Variants in CELF2 observed in about 807,000 individuals in gnomAD.
The protein encoded by CELF2 is CUGBP Elav-like family member 2.
CELF2 carries 8 observed loss-of-function variants against 62.6 expected under a neutral mutation model. The observed-to-expected ratio is 0.13, with a 90% CI of 0.07 to 0.23. The LOEUF (loss-of-function observed/expected upper bound fraction) is 0.23. CELF2 is among the 10% of genes least tolerant of loss of function. The probability of loss-of-function intolerance (pLI) is 1.00; values close to 1 mark genes in which losing one functional copy is unlikely to be tolerated. For missense variants in CELF2, 333 were observed against 671.0 expected, an observed-to-expected ratio of 0.50 and a Z score of 5.56; for synonymous variants, 258 against 250.0, an observed-to-expected ratio of 1.03 and a Z score of -0.30.
At chr10:10,547,723 G>GTA in the CELF2 span, among the ~76,000 whole-genome samples, 1 of 151,752 alleles carries the variant, frequency 6.6e-6, no homozygotes, top group Admixed American at 6.6e-5. Flanking sequence ...GTGTGTGTGT[G>GTA]TGTGTGTATC....
chr10:10,467,117 C>A, the CELF2 span, among the ~76,000 whole-genome samples: 1 of 151,996 alleles, frequency 6.6e-6, no homozygotes, highest in Non-Finnish European at 1.5e-5. Flanking sequence ...AATATACTAG[C>A]ATAAAAATTT....
the CELF2 span, among the ~76,000 whole-genome samples, chr10:10,510,015 G>A: frequency 1.3e-5 from 2 of 152,342 alleles, no homozygotes; most frequent in South Asian, 4.1e-4. Context: ...TCCATGGCTG[G>A]GAGGGATTCT....
At chr10:10,690,490 A>C in the CELF2 span, among the ~76,000 whole-genome samples, 1 of 152,224 alleles carries the variant, frequency 6.6e-6, no homozygotes, top group Non-Finnish European at 1.5e-5. Context: ...GTACAGAATG[A>C]AGGCACAAAT....
rs1041728669 is a variant in CELF2, at chr10:11,246,747, G to A, written c.355-2406G>A. ...TCTGCAGTTCTGTCCTCGGCTCTCA[G>A]CTCTTTGCACCCTTCTTTCCCTCGC... On this transcript the variant is annotated intron_variant, in intron 3 of 12. Transcript: ENST00000633077. This position sits in a 1 kb window ranked among gnomAD's most constrained non-coding sequence, Gnocchi z 4.6. Among the ~76,000 whole-genome samples the A allele has an allele frequency of 2.6e-5, 4 of 152,250 alleles. No homozygotes were observed. Among genetic ancestry groups the A allele is most frequent in the African/African-American group, 7.2e-5 (3 of 41,532 alleles).
intron 1 of CELF2, among the ~76,000 whole-genome samples, chr10:11,128,904 C>T (rs1180705788): frequency 6.6e-6 from 1 of 152,190 alleles, no homozygotes; most frequent in African/African-American, 2.4e-5. Flanking sequence ...GCCAGAACTT[C>T]CAACACTATG....
chr10:10,984,326 A>G (rs1415061750), intron 2 of CELF2, among the ~76,000 whole-genome samples: 1 of 152,208 alleles, frequency 6.6e-6, no homozygotes, highest in Non-Finnish European at 1.5e-5. Flanking sequence ...TAATGCGAGC[A>G]ATGCAGGCTG....
At chr10:10,975,252 G>T (rs2051193137) in intron 2 of CELF2, among the ~76,000 whole-genome samples, 4 of 152,074 alleles carry the variant, frequency 2.6e-5, no homozygotes, top group African/African-American at 7.2e-5. Context: ...GGAGTAGCTG[G>T]GACCACAGAC....
chr10:10,775,750 G>C, the CELF2 span, among the ~76,000 whole-genome samples: 6 of 152,214 alleles, frequency 3.9e-5, no homozygotes, highest in Non-Finnish European at 4.4e-5. Flanking sequence ...AGACCAATGA[G>C]GAGTGATTTA....
intron 1 of CELF2, among the ~76,000 whole-genome samples, chr10:11,045,128 G>A (rs1385218171): frequency 2.0e-5 from 3 of 152,160 alleles, no homozygotes; most frequent in Admixed American, 1.3e-4. Context: ...CCGCAGTCAG[G>A]ATTACCTAAG....
chr10:10,550,909 G>A, the CELF2 span, among the ~76,000 whole-genome samples: 3 of 151,208 alleles, frequency 2.0e-5, no homozygotes, highest in Admixed American at 6.6e-5. Flanking sequence ...TGTTGATCAG[G>A]CTGGTCTCTA....
intron 2 of CELF2, among the ~76,000 whole-genome samples, chr10:10,987,222 A>G (rs1217737692): frequency 6.6e-6 from 1 of 152,044 alleles, no homozygotes; most frequent in East Asian, 1.9e-4. Flanking sequence ...TTGTAAGTCA[A>G]TAGTGAAAAC....
At chr10:10,649,007 T>C in the CELF2 span, among the ~76,000 whole-genome samples, 1 of 152,188 alleles carries the variant, frequency 6.6e-6, no homozygotes, top group African/African-American at 2.4e-5. Flanking sequence ...TGGTATATTG[T>C]AACTTTGCAA....
At chr10:11,250,935 C>T (rs1042069399) in intron 4 of CELF2, among the ~76,000 whole-genome samples, 5 of 152,206 alleles carry the variant, frequency 3.3e-5, no homozygotes, top group African/African-American at 9.7e-5. Flanking sequence ...TTCACCCAGG[C>T]GGGCTCCTTT....
rs1184915798 is a variant in CELF2 at position 11,075,916 on chromosome 10, A to G, written c.74+57753A>G. Among the ~76,000 whole-genome samples, 3 of 152,152 alleles carry G rather than the reference A, an allele frequency of 2.0e-5. No individual in the cohort carries two copies. The highest frequency in any genetic ancestry group is 4.4e-5 in the Non-Finnish European group (3 of 68,026). ...AACATCAGTATCTCAGAATGAGTGAAACAAAAAGCTTTCCTTTTTCTTCCT... is the reference window on the plus strand; with the variant it reads ...AACATCAGTATCTCAGAATGAGTGAGACAAAAAGCTTTCCTTTTTCTTCCT... On this transcript the variant is annotated intron_variant, in intron 1 of 12. Transcript: ENST00000633077. This position sits in a 1 kb window ranked among gnomAD's most constrained non-coding sequence, Gnocchi z 5.4.
At chr10:10,857,651 A>G (rs7095455) in intron 1 of CELF2, among the ~76,000 whole-genome samples, 2 of 53,350 alleles carry the variant, frequency 3.7e-5, no homozygotes, top group South Asian at 6.8e-4. Flanking sequence ...TATATATAGT[A>G]TATATATATA....
Position 11,012,017 on chromosome 10 carries a change from T to C in CELF2, c.53+6577T>C, listed in dbSNP as rs1188035102. Among the ~76,000 whole-genome samples, 1 of 152,226 alleles carries C rather than the reference T, an allele frequency of 6.6e-6. No individual in the cohort carries two copies. Among genetic ancestry groups the C allele is most frequent in the Non-Finnish European group, 1.5e-5 (1 of 68,046 alleles). On this transcript the variant is annotated intron_variant, in intron 1 of 12. Coordinates refer to the CELF2 transcript ENST00000416382. The surrounding 1 kb of genome is among the most constrained non-coding windows in gnomAD (Gnocchi z 5.5). ...CATTGTACTTCTTATCTGAGGATCA[T>C]GGTAGGCTTTGATTTTTCAGCCATT...
At chr10:11,185,665 C>G (rs2074676176) in intron 2 of CELF2, among the ~76,000 whole-genome samples, 1 of 152,124 alleles carries the variant, frequency 6.6e-6, no homozygotes, top group African/African-American at 2.4e-5. Context: ...GCGCCTGCCT[C>G]AGCCTCCCAA....
chr10:10,558,828 G>T, the CELF2 span, among the ~76,000 whole-genome samples: 16 of 152,094 alleles, frequency 1.1e-4, no homozygotes, highest in African/African-American at 2.2e-4. Flanking sequence ...TGCCTAGAGG[G>T]GTTTATAGTA....
chr10:11,199,826 G>A (rs1031961833), intron 2 of CELF2, among the ~76,000 whole-genome samples: 1 of 152,208 alleles, frequency 6.6e-6, no homozygotes, highest in Non-Finnish European at 1.5e-5. Context: ...GGGATGTGAT[G>A]AAGACTAATA....
Sources: gnomAD v4.1 joint callset for allele counts (sites outside exome capture counted in the v4.1 genomes callset) on GRCh38, gnomAD v4.1.1 for gene constraint, Gnocchi (gnomAD v3.1) non-coding constraint, MANE v1.5 for transcripts, NCBI Gene and HGNC (gene_info 2026-07-23, HGNC 2026-07-21) for gene names.